ELAVL4: variants seen among roughly 807,000 people sequenced by gnomAD.
ELAVL4 encodes ELAV-like protein 4.
Under a neutral mutation model 35.6 loss-of-function variants are expected in ELAVL4, and 1 was observed. The ratio of observed to expected loss-of-function variants is 0.03; its 90% CI spans 0.01 to 0.13. ELAVL4 has a LOEUF of 0.13. Ranked by LOEUF, ELAVL4 falls within the 10% of genes least tolerant of loss-of-function variation. ELAVL4 has a pLI of 1.00. For missense variants in ELAVL4, 267 were observed against 464.9 expected (o/e 0.57, Z 3.91); for synonymous variants, 156 against 171.0 (o/e 0.91, Z 0.69).
At position 50,133,595 on chromosome 1, in the gene ELAVL4, AAAGAAAAGAAAGAAAG is replaced by A. The variant is rs1284230095; in HGVS notation, c.10-11359_10-11344del. On this transcript the variant is annotated intron_variant, in intron 1 of 6. Transcript: ENST00000371824. Reference sequence around the variant, plus strand: ...GAAAGAGAGAGAGAAAGAAAGAAAGAAAGAAAAGAAAGAAAGAAAGAAAGAAAGAAAGAAAGAAAGA... The same window carrying A: ...GAAAGAGAGAGAGAAAGAAAGAAAGAAAAGAAAGAAAGAAAGAAAGAAAGA... Among the ~76,000 whole-genome samples, 397 of 129,466 alleles carry A rather than the reference AAAGAAAAGAAAGAAAG, an allele frequency of 3.1e-3. 3 individuals are homozygous for A. The highest frequency in any genetic ancestry group is 4.9e-3 in the Non-Finnish European group (303 of 61,498). 84.9% of individuals were successfully genotyped at this position (129,466 alleles called of 152,430 possible).
chr1:50,174,444 T>A (rs542126799), intron 2 of ELAVL4: 151 of 152,316 alleles, frequency 9.9e-4, no homozygotes, highest in African/African-American at 3.5e-3. Context: ...TCATCATCAT[T>A]TTTCCTCTTC....
intron 2 of ELAVL4, among the ~76,000 whole-genome samples, chr1:50,170,450 G>A (rs1678798351): frequency 6.6e-6 from 1 of 152,088 alleles, no homozygotes; most frequent in Non-Finnish European, 1.5e-5. Context: ...AGAAACCAAG[G>A]CACAGGGAGG....
At chr1:50,146,744 A>G (rs1227176848) in intron 2 of ELAVL4, among the ~76,000 whole-genome samples, 1 of 152,162 alleles carries the variant, frequency 6.6e-6, no homozygotes, top group Non-Finnish European at 1.5e-5. Flanking sequence ...CCAGTTAACC[A>G]TATGATTCTT....
At chr1:50,160,035 G>A (rs935119572) in intron 2 of ELAVL4, among the ~76,000 whole-genome samples, 4 of 152,134 alleles carry the variant, frequency 2.6e-5, no homozygotes, top group Non-Finnish European at 5.9e-5. Context: ...TACTGAGCAC[G>A]TTCTGGGTAT....
intron 2 of ELAVL4, among the ~76,000 whole-genome samples, chr1:50,171,936 C>A (rs1158762731): frequency 6.6e-6 from 1 of 152,214 alleles, no homozygotes; most frequent in African/African-American, 2.4e-5. Context: ...ACTTTCAGAA[C>A]AGGATTTCAG....
chr1:50,189,761 A>G (rs1682390355), intron 3 of ELAVL4, among the ~76,000 whole-genome samples: 1 of 152,264 alleles, frequency 6.6e-6, no homozygotes. Context: ...GTGCTAGACA[A>G]ATATATCAAC....
intron 1 of ELAVL4, among the ~76,000 whole-genome samples, chr1:50,110,809 G>A (rs976892016): frequency 6.6e-6 from 1 of 152,118 alleles, no homozygotes; most frequent in Non-Finnish European, 1.5e-5. Context: ...CTGGCTGCTT[G>A]TTTTGATGGG....
At chr1:50,058,618 C>CT (rs112852298) in intron 1 of ELAVL4, among the ~76,000 whole-genome samples, 117 of 144,836 alleles carry the variant, frequency 8.1e-4, no homozygotes, top group Admixed American at 8.3e-4. Flanking sequence ...AAGATAATTC[C>CT]TTTTTTTTTT....
At chr1:50,160,535 G>A (rs778077737) in intron 2 of ELAVL4, among the ~76,000 whole-genome samples, 8 of 152,056 alleles carry the variant, frequency 5.3e-5, no homozygotes, top group African/African-American at 1.2e-4. Flanking sequence ...TACTATCAGC[G>A]AACTCCTCGA....
chr1:50,182,907 G>A (rs1317563926), intron 3 of ELAVL4, among the ~76,000 whole-genome samples: 1 of 150,788 alleles, frequency 6.6e-6, no homozygotes, highest in Non-Finnish European at 1.5e-5. Context: ...TCTCGCTTGG[G>A]AGTGCAGTGG....
chr1:50,143,920 A>T (rs1324354649), intron 1 of ELAVL4, among the ~76,000 whole-genome samples: 1 of 152,040 alleles, frequency 6.6e-6, no homozygotes, highest in Non-Finnish European at 1.5e-5. Flanking sequence ...GCAATTCTCC[A>T]TGTTTGTCAT....
intron 4 of ELAVL4, 126 bp from the exon 5 acceptor site, chr1:50,195,435 G>T: frequency 1.0e-6 from 1 of 980,224 alleles, no homozygotes; most frequent in East Asian, 2.4e-5. Context: ...TCAGGGAGCT[G>T]GGCTCAGCCC....
chr1:50,149,330 G>A (rs1057145530), intron 2 of ELAVL4, among the ~76,000 whole-genome samples: 2 of 151,562 alleles, frequency 1.3e-5, no homozygotes, highest in Admixed American at 6.6e-5. Context: ...TCTGGGAGGC[G>A]GAGGTTGCAT....
At chr1:50,081,716 A>C (rs900857744) in intron 1 of ELAVL4, among the ~76,000 whole-genome samples, 2 of 152,218 alleles carry the variant, frequency 1.3e-5, no homozygotes, top group African/African-American at 4.8e-5. Flanking sequence ...TCTGGGATAC[A>C]TGTGCAGAAT....
chr1:50,174,488 G>GTTTTTTTTTTT (rs140545221), intron 2 of ELAVL4: 1 of 138,642 alleles, frequency 7.2e-6, no homozygotes, highest in Non-Finnish European at 1.6e-5. Flanking sequence ...TTTTTTGTTT[G>GTTTTTTTTTTT]TTTTTTTTTT....
intron 3 of ELAVL4, among the ~76,000 whole-genome samples, chr1:50,193,208 G>A (rs1368256339): frequency 1.3e-5 from 2 of 152,114 alleles, no homozygotes; most frequent in South Asian, 2.1e-4. Context: ...TTGTCATTTG[G>A]TGAGAGCAGA....
rs575648577 is a variant in ELAVL4 at position 50,187,676 on chromosome 1, A to T, written c.355-6089A>T. On this transcript the variant is annotated intron_variant, in intron 3 of 6. Transcript: ENST00000371824. ...ATACTCTAACTAGCACCTATCAATG[A>T]GACCCATAGGATAAGGGGTGGTAAG... 1.7e-4 allele frequency among the ~76,000 whole-genome samples: 26 copies of T among 152,382 alleles called. No individual in the cohort carries two copies. The South Asian group carries it at 4.6e-3, about 27-fold the overall frequency.
chr1:50,083,817 G>A (rs1053556330), intron 1 of ELAVL4, among the ~76,000 whole-genome samples: 9 of 152,170 alleles, frequency 5.9e-5, no homozygotes, highest in Admixed American at 2.6e-4. Context: ...GGGCAGCCAC[G>A]TATCTTAATT....
Position 50,193,366 on chromosome 1 carries a change from G to GTT in ELAVL4, c.355-386_355-385dup, listed in dbSNP as rs5774071. Among the ~76,000 whole-genome samples the GTT allele has an allele frequency of 6.0e-3, 870 of 145,050 alleles. 2 individuals are homozygous for GTT. The highest frequency in any genetic ancestry group is 0.012 in the South Asian group (56 of 4,562). ...AATGTGCAGAGCAGAATTTCATGAG[G>GTT]TTTTTTTTTTTTTTCTGGTTTATTC... On this transcript the variant is annotated intron_variant, in intron 3 of 6. Transcript: ENST00000371824.
Sources: allele counts gnomAD v4.1 joint callset (sites outside exome capture counted in the v4.1 genomes callset), GRCh38; gene constraint gnomAD v4.1.1; transcripts MANE v1.5; gene names NCBI Gene and HGNC (gene_info 2026-07-23, HGNC 2026-07-21).